ODF2L: variants seen among roughly 807,000 people sequenced by gnomAD.
The protein encoded by ODF2L is protein BCAP.
A neutral mutation model predicts 86.3 loss-of-function variants in ODF2L; 76 were observed. The ratio of observed to expected loss-of-function variants is 0.88; its 90% CI spans 0.73 to 1.07. The LOEUF (loss-of-function observed/expected upper bound fraction) is 1.07. Among genes scored for constraint, ODF2L ranks in the 50% least tolerant of loss-of-function variants. The probability of loss-of-function intolerance (pLI) is 0.00; values close to 1 mark genes in which losing one functional copy is unlikely to be tolerated. For missense variants in ODF2L, 748 were observed against 717.4 expected, an observed-to-expected ratio of 1.04 and a Z score of -0.49; for synonymous variants, 241 against 231.3, an observed-to-expected ratio of 1.04 and a Z score of -0.38.
chr1:86,366,905 G>C (rs1659481626), intron 11 of ODF2L, among the ~76,000 whole-genome samples: 1 of 151,978 alleles, frequency 6.6e-6, no homozygotes, highest in Non-Finnish European at 1.5e-5. Context: ...GAAAGGGGCA[G>C]GAGAGAGAGC....
intron 9 of ODF2L, among the ~76,000 whole-genome samples, chr1:86,372,199 A>G (rs959440650): frequency 2.0e-5 from 3 of 151,942 alleles, no homozygotes; most frequent in Non-Finnish European, 4.4e-5. Context: ...AAAAAAAAAA[A>G]AAAATTAAAA....
chr1:86,350,112 TA>T, exon 18 of ODF2L: 1 of 300,226 alleles, frequency 3.3e-6, no homozygotes, highest in Non-Finnish European at 4.9e-6. Flanking sequence ...TTATTTTTTT[TA>T]ATTTTTATTA....
At chr1:86,350,065 G>T (rs2100666064), downstream of ODF2L, 1 of 474,242 alleles carries the variant, frequency 2.1e-6, no homozygotes, top group Non-Finnish European at 2.8e-6. Context: ...AATTTTACTA[G>T]TACAAAACTT....
At chr1:86,349,193 T>C (rs1657965523), downstream of ODF2L, 1 of 159,562 alleles carries the variant, frequency 6.3e-6, no homozygotes, top group Non-Finnish European at 1.4e-5. Context: ...TATATTTTCA[T>C]ACTAGTTTTT....
intron 7 of ODF2L, among the ~76,000 whole-genome samples, chr1:86,379,059 T>C (rs974386720): frequency 6.6e-6 from 1 of 152,044 alleles, no homozygotes; most frequent in Non-Finnish European, 1.5e-5. Context: ...CCCTACTTGC[T>C]CTCTCTTCCT....
chr1:86,358,710 C>T, intron 13 of ODF2L, 77 bp downstream of exon 12: 1 of 578,182 alleles, frequency 1.7e-6, no homozygotes, highest in Non-Finnish European at 2.8e-6. Flanking sequence ...AGAAAATGAC[C>T]AAAATGAATG....
At chr1:86,360,372 T>C (rs924173701) in intron 12 of ODF2L, 54 bp downstream of exon 11, 39 of 769,576 alleles carry the variant, frequency 5.1e-5, no homozygotes, top group Admixed American at 3.7e-4. Context: ...AAAGAAATAG[T>C]GTTTTAAATT....
chr1:86,385,346 G>A lies in ODF2L; in HGVS notation c.246+112C>T, dbSNP rs1660870320. The A allele has an allele frequency of 5.1e-6, 3 of 589,458 alleles. No homozygotes were observed. In the South Asian group the frequency reaches 9.0e-5, roughly 18 times the overall value. The allele number at this position is 589,458 out of a possible 1,614,324, so 36.5% of individuals were successfully genotyped here. A position where few individuals can be genotyped will look rare whatever the true frequency, so the allele number is the denominator to read the frequency against. On this transcript the variant is annotated intron_variant, in intron 3 of 17. Transcript: ENST00000317336. ...AGAATTCTGATAAACCCTCATTTTTGGTATGAAATACTCATAAGTGAGCAT... is the reference window on the plus strand; with the variant it reads ...AGAATTCTGATAAACCCTCATTTTTAGTATGAAATACTCATAAGTGAGCAT...
intron 11 of ODF2L, 27 bp from the exon 11 acceptor site, chr1:86,360,563 A>G: frequency 1.9e-6 from 2 of 1,063,822 alleles, no homozygotes; most frequent in Non-Finnish European, 2.9e-6. Context: ...AGATTTTATA[A>G]GTCATTAGAA....
chr1:86,356,445 TG>T lies in ODF2L; in HGVS notation c.1516del (p.Gln506ArgfsTer9), dbSNP rs999949154. 6.3e-7 allele frequency: 1 copy of T among 1,598,972 alleles called. No homozygotes were observed. The highest frequency in any genetic ancestry group is 8.5e-7 in the Non-Finnish European group (1 of 1,170,932). On this transcript the variant is annotated frameshift_variant and splice_region_variant, in exon 14 of 18. Transcript: ENST00000317336. LOFTEE classifies it high-confidence loss of function. ...AAACTCAGAAGGACGGCTGGACACCTGGCCCTGAAGCTCCCTAATGGTGTGT... is the reference window on the plus strand; with the variant it reads ...AAACTCAGAAGGACGGCTGGACACCTGCCCTGAAGCTCCCTAATGGTGTGT...
chr1:86,355,250 GATTAATA>G (rs1658452361), intron 14 of ODF2L: 3 of 800,268 alleles, frequency 3.7e-6, no homozygotes, highest in Non-Finnish European at 6.2e-6. Flanking sequence ...TAAAAATACT[GATTAATA>G]ATTGAGTATC....
chr1:86,358,073 T>C (rs1312426390), intron 13 of ODF2L: 2 of 985,428 alleles, frequency 2.0e-6, no homozygotes, highest in South Asian at 4.7e-5. Context: ...TGACCTCTTC[T>C]TCACATTATT....
chr1:86,378,635 G>A (rs1660341583), intron 7 of ODF2L, among the ~76,000 whole-genome samples: 1 of 152,134 alleles, frequency 6.6e-6, no homozygotes. Flanking sequence ...CAGGGAAGCA[G>A]GGACCTTCTT....
intron 11 of ODF2L, among the ~76,000 whole-genome samples, chr1:86,366,621 C>A: frequency 7.5e-6 from 1 of 132,986 alleles, no homozygotes; most frequent in Non-Finnish European, 1.7e-5. Context: ...AAAAAAGTGC[C>A]AATTGGAAAC....
chr1:86,355,268 T>C, intron 14 of ODF2L: 3 of 907,430 alleles, frequency 3.3e-6, no homozygotes, highest in Non-Finnish European at 5.2e-6. Flanking sequence ...ATTGAGTATC[T>C]GTGAAGTCGA....
chr1:86,377,717 C>T (rs1660276461), intron 7 of ODF2L, among the ~76,000 whole-genome samples: 1 of 152,174 alleles, frequency 6.6e-6, no homozygotes. Flanking sequence ...TATGCATTGG[C>T]CCCTTTTAGC....
At chr1:86,376,389 G>A (rs1660177141) in exon 8 of ODF2L, 2 of 1,597,940 alleles carry the variant, frequency 1.3e-6, no homozygotes, top group Non-Finnish European at 8.5e-7. Flanking sequence ...TTGATTGCAG[G>A]TTCCACTTGG....
At chr1:86,354,689 T>A (rs1658404480) in exon 16 of ODF2L, 2 of 1,605,508 alleles carry the variant, frequency 1.2e-6, no homozygotes, top group Non-Finnish European at 1.7e-6. Flanking sequence ...TCTGTTCTAA[T>A]TTTCTTTTTA....
intron 4 of ODF2L, among the ~76,000 whole-genome samples, chr1:86,383,573 TA>T: frequency 6.6e-6 from 1 of 151,760 alleles, no homozygotes; most frequent in Admixed American, 6.6e-5. Context: ...AGAAATCTCT[TA>T]AAGAATTACA....
Sources: allele counts gnomAD v4.1 joint callset (sites outside exome capture counted in the v4.1 genomes callset), GRCh38; gene constraint gnomAD v4.1.1; transcripts MANE v1.5; gene names NCBI Gene and HGNC (gene_info 2026-07-23, HGNC 2026-07-21).